Variants in CENPW observed in about 807,000 individuals in gnomAD.
CENPW encodes the protein centromere protein W.
In CENPW, 3 loss-of-function variants were observed where a neutral mutation model predicts 11.1. The ratio of observed to expected loss-of-function variants is 0.27; its 90% CI spans 0.12 to 0.70. CENPW has a LOEUF of 0.70. Ranked by LOEUF, CENPW falls within the 30% of genes least tolerant of loss-of-function variation. The probability of loss-of-function intolerance (pLI) is 0.77; values close to 1 mark genes in which losing one functional copy is unlikely to be tolerated. For missense variants in CENPW, 100 were observed against 105.6 expected (o/e 0.95, Z 0.23); for synonymous variants, 38 against 42.0 (o/e 0.91, Z 0.37).
At chr6:126,399,718 A>T in the CENPW span, among the ~76,000 whole-genome samples, 1 of 152,080 alleles carries the variant, frequency 6.6e-6, no homozygotes, top group Admixed American at 6.6e-5. Flanking sequence ...TAATTTATGT[A>T]AAGTTCTTAA....
the CENPW span, among the ~76,000 whole-genome samples, chr6:126,388,532 C>CA: frequency 6.6e-6 from 1 of 151,950 alleles, no homozygotes; most frequent in East Asian, 1.9e-4. Flanking sequence ...ATTTGGTTGT[C>CA]AGTTTTCTGA....
At chr6:126,367,950 G>T in the CENPW span, among the ~76,000 whole-genome samples, 2 of 152,182 alleles carry the variant, frequency 1.3e-5, no homozygotes, top group Non-Finnish European at 2.9e-5. Context: ...GATTTAAACC[G>T]TAATCTAGAG....
At chr6:126,374,230 G>A in the CENPW span, among the ~76,000 whole-genome samples, 1 of 152,126 alleles carries the variant, frequency 6.6e-6, no homozygotes, top group South Asian at 2.1e-4. Flanking sequence ...TATTGCTAGT[G>A]TCACTTACTG....
At chr6:126,415,138 T>G in the CENPW span, among the ~76,000 whole-genome samples, 1 of 152,142 alleles carries the variant, frequency 6.6e-6, no homozygotes, top group Non-Finnish European at 1.5e-5. Flanking sequence ...CTTGAGTTAA[T>G]TTTTGTGTAA....
chr6:126,418,939 G>C, the CENPW span, among the ~76,000 whole-genome samples: 1 of 127,800 alleles, frequency 7.8e-6, no homozygotes, highest in Non-Finnish European at 1.6e-5. Flanking sequence ...TGTGGGGTGG[G>C]GGGAGGGGGG....
At chr6:126,471,148 C>G in the CENPW span, among the ~76,000 whole-genome samples, 2 of 152,172 alleles carry the variant, frequency 1.3e-5, no homozygotes, top group Non-Finnish European at 2.9e-5. Flanking sequence ...CTACCCAAAT[C>G]TTATCTTGAA....
chr6:126,350,958 C>A (rs1360423377), downstream of CENPW, among the ~76,000 whole-genome samples: 1 of 150,380 alleles, frequency 6.6e-6, no homozygotes, highest in Non-Finnish European at 1.5e-5. Flanking sequence ...TAATTAATAT[C>A]AAAATGTTAT....
At chr6:126,408,934 C>G in the CENPW span, among the ~76,000 whole-genome samples, 7 of 151,238 alleles carry the variant, frequency 4.6e-5, no homozygotes, top group Non-Finnish European at 8.9e-5. Context: ...TTTTCTTGAT[C>G]TTTTTTTTAG....
the CENPW span, among the ~76,000 whole-genome samples, chr6:126,401,635 C>G: frequency 6.6e-6 from 1 of 151,920 alleles, no homozygotes; most frequent in African/African-American, 2.4e-5. Context: ...TGTTGCCCTT[C>G]TCTCAGTGGC....
At chr6:126,435,368 ATAT>A in the CENPW span, among the ~76,000 whole-genome samples, 1 of 151,748 alleles carries the variant, frequency 6.6e-6, no homozygotes, top group Admixed American at 6.6e-5. Flanking sequence ...ATTTATGGTG[ATAT>A]TATGCTTACT....
At chr6:126,407,486 T>C in the CENPW span, among the ~76,000 whole-genome samples, 1 of 152,200 alleles carries the variant, frequency 6.6e-6, no homozygotes, top group Non-Finnish European at 1.5e-5. Context: ...TATTTCTACT[T>C]CTAGATTTTG....
At chr6:126,424,336 C>T in the CENPW span, among the ~76,000 whole-genome samples, 3 of 152,054 alleles carry the variant, frequency 2.0e-5, no homozygotes, top group Admixed American at 2.0e-4. Flanking sequence ...ACCACTGAGA[C>T]CTCTTATTCA....
chr6:126,431,369 G>C, the CENPW span, among the ~76,000 whole-genome samples: 5 of 152,148 alleles, frequency 3.3e-5, no homozygotes, highest in Admixed American at 6.5e-5. Context: ...CAGAGCAATG[G>C]CTGAGATTCT....
chr6:126,363,996 C>T, the CENPW span, among the ~76,000 whole-genome samples: 1 of 152,160 alleles, frequency 6.6e-6, no homozygotes, highest in Admixed American at 6.5e-5. Context: ...TTTTATGATG[C>T]TTCTCTAGGA....
At chr6:126,345,884 C>T (rs1413708846) in intron 1 of CENPW, among the ~76,000 whole-genome samples, 1 of 151,900 alleles carries the variant, frequency 6.6e-6, no homozygotes, top group Non-Finnish European at 1.5e-5. Context: ...AATTTAAATC[C>T]ATTTGGAATC....
At chr6:126,364,901 G>T in the CENPW span, among the ~76,000 whole-genome samples, 1 of 152,150 alleles carries the variant, frequency 6.6e-6, no homozygotes, top group African/African-American at 2.4e-5. Flanking sequence ...AAGGTATTTA[G>T]TCCCCACAAA....
chr6:126,410,645 T>C, the CENPW span, among the ~76,000 whole-genome samples: 1 of 151,628 alleles, frequency 6.6e-6, no homozygotes, highest in Non-Finnish European at 1.5e-5. Flanking sequence ...AAATATTTGT[T>C]TGCTTAAGGA....
At chr6:126,474,500 A>C in the CENPW span, among the ~76,000 whole-genome samples, 1 of 152,148 alleles carries the variant, frequency 6.6e-6, no homozygotes, top group Non-Finnish European at 1.5e-5. Flanking sequence ...AAAGAGGTTT[A>C]GAATATTTTA....
the CENPW span, among the ~76,000 whole-genome samples, chr6:126,454,157 C>T: frequency 1.3e-5 from 2 of 151,074 alleles, no homozygotes; most frequent in African/African-American, 4.8e-5. Flanking sequence ...GTATTAGGTA[C>T]ATCATCAAAG....
Sources: allele counts gnomAD v4.1 joint callset (sites outside exome capture counted in the v4.1 genomes callset), GRCh38; gene constraint gnomAD v4.1.1; transcripts MANE v1.5; gene names NCBI Gene and HGNC (gene_info 2026-07-23, HGNC 2026-07-21).